CARS2: variants seen among roughly 807,000 people sequenced by gnomAD.
CARS2 encodes the protein probable cysteine--tRNA ligase, mitochondrial.
Under a neutral mutation model 68.8 loss-of-function variants are expected in CARS2, and 52 were observed. That is an observed-to-expected ratio of 0.76 (90% confidence interval 0.61 to 0.95). The LOEUF (loss-of-function observed/expected upper bound fraction) is 0.95. Ranked by LOEUF, CARS2 falls within the 40% of genes least tolerant of loss-of-function variation. The pLI is 0.00. For missense variants in CARS2, 780 were observed against 754.2 expected, an observed-to-expected ratio of 1.03 and a Z score of -0.40; for synonymous variants, 314 against 303.6, an observed-to-expected ratio of 1.03 and a Z score of -0.36.
Position 110,665,142 on chromosome 13 carries a change from G to GA in CARS2, c.920-1625dup. The GA allele has an allele frequency of 1.0e-6, 1 of 985,366 alleles. No individual in the cohort carries two copies. Among genetic ancestry groups the GA allele is most frequent in the Non-Finnish European group, 1.2e-6 (1 of 829,918 alleles). 61.0% of individuals were successfully genotyped at this position (985,366 alleles called of 1,614,324 possible). ...TCTTAACAGGTAGTAAAAAATCACT[G>GA]AAAAATAGCCACAAAACTTTCCCAC... On this transcript the variant is annotated intron_variant, in intron 8 of 14. Transcript: ENST00000257347. This position sits in a 1 kb window ranked among gnomAD's most constrained non-coding sequence, Gnocchi z 4.3.
chr13:110,643,319 T>A (rs1887647910), intron 13 of CARS2: 1 of 157,984 alleles, frequency 6.3e-6, no homozygotes. Flanking sequence ...AATGAACATG[T>A]ACATTGCAAA....
At chr13:110,662,067 T>G (rs1594277109) in intron 9 of CARS2, among the ~76,000 whole-genome samples, 1 of 152,236 alleles carries the variant, frequency 6.6e-6, no homozygotes, top group African/African-American at 2.4e-5. Context: ...ATTTGCTTGG[T>G]GCAGGGCTGC....
intron 9 of CARS2, among the ~76,000 whole-genome samples, chr13:110,654,514 T>G (rs1382620291): frequency 6.6e-6 from 1 of 151,792 alleles, no homozygotes; most frequent in African/African-American, 2.4e-5. Flanking sequence ...AGGTGCGAGC[T>G]ACCAAAAATA....
At chr13:110,692,900 A>G (rs1033477897) in intron 3 of CARS2, among the ~76,000 whole-genome samples, 22 of 152,042 alleles carry the variant, frequency 1.4e-4, no homozygotes, top group African/African-American at 5.3e-4. Context: ...TCATGAGGTC[A>G]GGAGTTCGAG....
chr13:110,650,736 G>T, intron 10 of CARS2: 1 of 341,960 alleles, frequency 2.9e-6, no homozygotes, highest in Non-Finnish European at 5.3e-6. Context: ...CAATCTCCCA[G>T]TTCACACAGC....
chr13:110,679,970 A>G (rs1036568051), intron 6 of CARS2, among the ~76,000 whole-genome samples: 6 of 152,228 alleles, frequency 3.9e-5, no homozygotes, highest in Non-Finnish European at 7.3e-5. Context: ...TGCCAGAGGA[A>G]AATATGGAAG....
chr13:110,641,918 T>C (rs1887374560), intron 14 of CARS2, among the ~76,000 whole-genome samples: 1 of 152,162 alleles, frequency 6.6e-6, no homozygotes, highest in Non-Finnish European at 1.5e-5. Flanking sequence ...CTCAGAAGCA[T>C]GGGCAGGGCG....
At chr13:110,644,742 G>T in intron 12 of CARS2, 1 of 463,064 alleles carries the variant, frequency 2.2e-6, no homozygotes, top group African/African-American at 2.0e-5. Context: ...GGCTTCGCGG[G>T]TGAAGCATGA....
At chr13:110,713,122 G>A in intron 1 of CARS2, 1 of 1,430,116 alleles carries the variant, frequency 7.0e-7, no homozygotes, top group Non-Finnish European at 9.1e-7. Flanking sequence ...TAAGAGTCCG[G>A]GGGGCATTAC....
At position 110,665,282 on chromosome 13, in the gene CARS2, C is replaced by T. The variant is rs1018450947; in HGVS notation, c.920-1764G>A. Reference sequence around the variant, plus strand: ...CCAACATGGTGAAACCCTGCTTCTACTAAAAATACAAAAATTAGCTGGGTA... The same window carrying T: ...CCAACATGGTGAAACCCTGCTTCTATTAAAAATACAAAAATTAGCTGGGTA... On this transcript the variant is annotated intron_variant, in intron 8 of 14. Transcript: ENST00000257347. This position sits in a 1 kb window ranked among gnomAD's most constrained non-coding sequence, Gnocchi z 4.3. 10 of 684,716 alleles carry T rather than the reference C, an allele frequency of 1.5e-5. No individual in the cohort carries two copies. The African/African-American group carries it at 1.8e-4, about 12-fold the overall frequency. The allele number at this position is 684,716 out of a possible 1,614,324, so 42.4% of individuals were successfully genotyped here.
rs199527718 is a variant in CARS2, at chr13:110,642,404, G to C, written c.1534C>G (p.Arg512Gly). 6.3e-7 allele frequency: 1 copy of C among 1,583,740 alleles called. No individual in the cohort carries two copies. The highest frequency in any genetic ancestry group is 1.8e-5 in the Admixed American group (1 of 56,314). ...LAMPEATGDA[R>G]RQQLLERQPL... ...TGCCTTTCTAGGAGCTGCTGCCGCCGGGCGTCCCCCGTGGCCTCGGGCATG... is the reference window on the plus strand; with the variant it reads ...TGCCTTTCTAGGAGCTGCTGCCGCCCGGCGTCCCCCGTGGCCTCGGGCATG... Residue 512 changes from arginine to glycine, a missense_variant, in exon 14 of 15, where the codon CGG becomes GGG. Physicochemically the swap from Arg to Gly is moderately radical, Grantham distance 125. Transcript: ENST00000257347.
chr13:110,702,638 C>T (rs1478377543), intron 2 of CARS2, among the ~76,000 whole-genome samples: 1 of 152,220 alleles, frequency 6.6e-6, no homozygotes, highest in Non-Finnish European at 1.5e-5. Context: ...AGTCCCGGAA[C>T]TGCCCTTGGA....
intron 9 of CARS2, among the ~76,000 whole-genome samples, chr13:110,652,755 A>G (rs1045179514): frequency 5.9e-5 from 9 of 152,216 alleles, no homozygotes; most frequent in African/African-American, 2.2e-4. Flanking sequence ...AGGGGTGCTC[A>G]ACCTGGGGTC....
intron 6 of CARS2, among the ~76,000 whole-genome samples, chr13:110,678,689 C>A (rs2063045882): frequency 6.6e-6 from 1 of 152,194 alleles, no homozygotes; most frequent in Non-Finnish European, 1.5e-5. Flanking sequence ...TATTTCCAGC[C>A]AAACTGACTT....
At chr13:110,674,809 T>C (rs1253792303) in intron 7 of CARS2, among the ~76,000 whole-genome samples, 1 of 152,144 alleles carries the variant, frequency 6.6e-6, no homozygotes, top group African/African-American at 2.4e-5. Context: ...CATCTACCCA[T>C]CTGACAAAGG....
chr13:110,654,934 AAG>A (rs2062324826), intron 9 of CARS2, among the ~76,000 whole-genome samples: 1 of 131,004 alleles, frequency 7.6e-6, no homozygotes, highest in African/African-American at 3.6e-5. Context: ...AAAAAAAAAA[AAG>A]AAAAAGAAAA....
chr13:110,679,462 G>A (rs1427415468), intron 6 of CARS2, among the ~76,000 whole-genome samples: 8 of 151,208 alleles, frequency 5.3e-5, no homozygotes, highest in East Asian at 1.9e-4. Flanking sequence ...CTCGGGAGGC[G>A]GAGGTTACAG....
At chr13:110,656,889 G>GA (rs11322756) in intron 9 of CARS2, among the ~76,000 whole-genome samples, 107 of 135,530 alleles carry the variant, frequency 7.9e-4, no homozygotes, top group East Asian at 2.0e-3. Context: ...GTCTCAAAAA[G>GA]AAAAAAAAAA....
rs192194880 is a variant in CARS2 at position 110,681,731 on chromosome 13, G to A, written c.655+1320C>T. Among the ~76,000 whole-genome samples the A allele has an allele frequency of 4.6e-5, 7 of 152,340 alleles. No homozygotes were observed. In the East Asian group the frequency reaches 1.2e-3, roughly 25 times the overall value. On this transcript the variant is annotated intron_variant, in intron 6 of 14. Transcript: ENST00000257347. Reference sequence around the variant, plus strand: ...CTGCTGTAAATTCAGACACTGGGACGTGACTCAGTGTTAAAGAGAAACGAG... The same window carrying A: ...CTGCTGTAAATTCAGACACTGGGACATGACTCAGTGTTAAAGAGAAACGAG...
Sources: gnomAD v4.1 joint callset for allele counts (sites outside exome capture counted in the v4.1 genomes callset) on GRCh38, gnomAD v4.1.1 for gene constraint, Gnocchi (gnomAD v3.1) non-coding constraint, MANE v1.5 for transcripts, NCBI Gene and HGNC (gene_info 2026-07-23, HGNC 2026-07-21) for gene names.